The following MYO18B variants were observed in gnomAD, a reference collection of about 807,000 sequenced individuals.
MYO18B encodes the protein unconventional myosin-XVIIIb.
Under a neutral mutation model 273.0 loss-of-function variants are expected in MYO18B, and 204 were observed. That is an observed-to-expected ratio of 0.75 (90% CI 0.67 to 0.84). The LOEUF is 0.84. MYO18B is among the 40% of genes least tolerant of loss of function. The pLI is 0.00. For synonymous variants in MYO18B, 1,330 were observed against 1,305.7 expected, an observed-to-expected ratio of 1.02 and a Z score of -0.40; for missense variants, 3,212 against 3,287.6, an observed-to-expected ratio of 0.98 and a Z score of 0.56.
intron 39 of MYO18B, among the ~76,000 whole-genome samples, chr22:25,991,173 C>T (rs988816329): frequency 6.6e-6 from 1 of 152,198 alleles, no homozygotes; most frequent in African/African-American, 2.4e-5. Flanking sequence ...GAGGCAGATC[C>T]CAGCCTCTCC....
In MYO18B at chr22:25,898,233, A is replaced by G. The variant is rs2091853312; in HGVS notation, c.4669-74A>G. On this transcript the variant is annotated intron_variant, in intron 28 of 43. Transcript: ENST00000335473. ...CTCATTACACACCTTGGAAATAGCA[A>G]CTCCTTGAAATACAAAGTAAAAAGC... The G allele has an allele frequency of 2.1e-5, 32 of 1,515,928 alleles. No homozygotes were observed. The East Asian group carries it at 3.6e-4, about 17-fold the overall frequency. 93.9% of individuals were successfully genotyped at this position (1,515,928 alleles called of 1,614,324 possible). A position where few individuals can be genotyped will look rare whatever the true frequency, so the allele number is the denominator to read the frequency against.
At chr22:26,017,400 C>T (rs1171894144) in intron 42 of MYO18B, among the ~76,000 whole-genome samples, 19 of 151,642 alleles carry the variant, frequency 1.3e-4, no homozygotes. Context: ...CCTCCTCTCC[C>T]TTCTCTTTTC....
At chr22:25,743,886 C>A (rs2085700087) in intron 1 of MYO18B, among the ~76,000 whole-genome samples, 1 of 152,188 alleles carries the variant, frequency 6.6e-6, no homozygotes, top group African/African-American at 2.4e-5. Flanking sequence ...TCGTTGACGA[C>A]CTACCCATCA....
At position 25,876,309 on chromosome 22, in the gene MYO18B, A is replaced by G. The variant is rs546098279; in HGVS notation, c.4201A>G (p.Thr1401Ala). ...LQPLLSATIGTEQLRAKEEEL... is the reference protein window; with the variant it reads ...LQPLLSATIGAEQLRAKEEEL... ...GCCTCTACTTAGTGCCACCATTGGA[A>G]CTGAGCAGCTCCGAGCCAAGGAGGT... is the stretch of plus-strand genomic sequence containing the variant. Residue 1401 changes from threonine to alanine, a missense_variant, in exon 24 of 44, where the codon ACT becomes GCT. Thr to Ala is a moderately conservative substitution (Grantham distance 58). Coordinates refer to ENST00000335473, the MANE Select transcript of MYO18B (RefSeq NM_032608.7). 15 of 1,613,228 alleles carry G rather than the reference A, an allele frequency of 9.3e-6. No individual in the cohort carries two copies. The South Asian group carries it at 1.7e-4, about 18-fold the overall frequency.
At position 26,027,936 on chromosome 22, in the gene MYO18B, A is replaced by T. The variant is rs1449554449; in HGVS notation, c.*12+246A>T. On this transcript the variant is annotated intron_variant, in intron 43 of 43. Transcript: ENST00000335473. The surrounding 1 kb of genome is among the most constrained non-coding windows in gnomAD (Gnocchi z 4.1). Reference sequence around the variant, plus strand: ...TCAGAAAGTAAGAGGTTCCTGTGGGATACCGCTAAAGAAGGTGCCAGATGT... The same window carrying T: ...TCAGAAAGTAAGAGGTTCCTGTGGGTTACCGCTAAAGAAGGTGCCAGATGT... 6.6e-6 allele frequency among the ~76,000 whole-genome samples: 1 copy of T among 152,168 alleles called. No individual in the cohort carries two copies. Among genetic ancestry groups the T allele is most frequent in the East Asian group, 1.9e-4 (1 of 5,186 alleles).
At chr22:26,002,019 TTTCCCTGTACAGAAACATA>T (rs1471961378) in intron 40 of MYO18B, among the ~76,000 whole-genome samples, 2 of 152,198 alleles carry the variant, frequency 1.3e-5, no homozygotes, top group African/African-American at 4.8e-5. Context: ...AATAAAACTT[TTTCCCTGTACAGAAACATA>T]TTCCCTTGTT....
In MYO18B at chr22:25,921,118, A is replaced by G. The variant is rs561108397; in HGVS notation, c.5365-139A>G. 3.7e-4 allele frequency: 298 copies of G among 804,566 alleles called. 6 individuals are homozygous for G. The South Asian group carries it at 4.9e-3, about 13-fold the overall frequency. The allele number at this position is 804,566 out of a possible 1,614,324, so 49.8% of individuals were successfully genotyped here. A position where few individuals can be genotyped will look rare whatever the true frequency, so the allele number is the denominator to read the frequency against. Reference sequence around the variant, plus strand: ...CTCAGTTGAGGAAACTGAGGCTCGGAGAGGAGAATGGTCTTGTCCAAGGTC... The same window carrying G: ...CTCAGTTGAGGAAACTGAGGCTCGGGGAGGAGAATGGTCTTGTCCAAGGTC... On this transcript the variant is annotated intron_variant, in intron 33 of 43. Transcript: ENST00000335473.
chr22:25,994,302 A>G (rs1203450213), intron 40 of MYO18B, among the ~76,000 whole-genome samples: 1 of 152,134 alleles, frequency 6.6e-6, no homozygotes, highest in Non-Finnish European at 1.5e-5. Flanking sequence ...CTCCATCTCT[A>G]CAAAAACTCC....
At chr22:25,873,844 C>T (rs866048376) in intron 22 of MYO18B, among the ~76,000 whole-genome samples, 34 of 152,200 alleles carry the variant, frequency 2.2e-4, no homozygotes, top group Non-Finnish European at 1.0e-4. Flanking sequence ...CCCAGCCTTT[C>T]CTGGGGCCTG....
chr22:25,829,624 A>C (rs62224708), intron 15 of MYO18B, among the ~76,000 whole-genome samples: 30,460 of 151,828 alleles, frequency 0.2, 3,362 homozygotes, highest in Non-Finnish European at 0.25. Context: ...GGATCACCTG[A>C]GGTCAGGAGT....
At chr22:25,885,355 T>C (rs1208628507) in intron 25 of MYO18B, among the ~76,000 whole-genome samples, 2 of 152,034 alleles carry the variant, frequency 1.3e-5, no homozygotes, top group Admixed American at 6.5e-5. Context: ...CCAAACAGAC[T>C]GTGATTGAGG....
Position 25,895,190 on chromosome 22 carries a change from G to C in MYO18B, c.4578G>C (p.Gln1526His), listed in dbSNP as rs776993487. The C allele has an allele frequency of 1.9e-6, 3 of 1,611,942 alleles. No individual in the cohort carries two copies. The highest frequency in any genetic ancestry group is 2.7e-5 in the African/African-American group (2 of 74,924). ...GGCAGATGCGCTTCGACTGTGCTCA[G>C]ATGGAGAACGAGTTCCTCAGAAAGC... ...DEWQMRFDCA[Q>H]MENEFLRKRL... Residue 1526 changes from glutamine (Q) to histidine (H), a missense_variant, in exon 28 of 44, where the codon CAG becomes CAC. Gln to His is a conservative substitution (Grantham distance 24). Transcript: ENST00000335473.
intron 4 of MYO18B, among the ~76,000 whole-genome samples, chr22:25,769,637 G>T (rs550885636): frequency 1.3e-5 from 2 of 152,300 alleles, no homozygotes; most frequent in Admixed American, 1.3e-4. Flanking sequence ...CATTGCACCT[G>T]CCCTGGGGTG....
At chr22:25,955,092 G>T in intron 38 of MYO18B, 87 bp from the exon 39 acceptor site, 1 of 1,351,422 alleles carries the variant, frequency 7.4e-7, no homozygotes, top group South Asian at 1.6e-5. Context: ...CAGGAAACTC[G>T]GCAAAGGATT....
rs375819351 is a variant in MYO18B, at chr22:25,898,430, C to A, written c.4792C>A (p.Arg1598=). The part of the protein sequence containing the change: ...TCVLLENQQS[R]NHELEKKQKK... ...CGTCCTGCTAGAGAACCAACAAAGT[C>A]GAAACCATGAGCTGGAGAAGAAGCA... Residue 1598 remains arginine, a synonymous_variant, in exon 29 of 44, where the codon CGA becomes AGA. Coordinates refer to ENST00000335473, the MANE Select transcript of MYO18B (RefSeq NM_032608.7). The A allele has an allele frequency of 1.2e-6, 2 of 1,613,900 alleles. No individual in the cohort carries two copies. Among genetic ancestry groups the A allele is most frequent in the East Asian group, 4.5e-5 (2 of 44,878 alleles).
intron 34 of MYO18B, among the ~76,000 whole-genome samples, chr22:25,922,465 G>A (rs915240331): frequency 2.6e-5 from 4 of 152,166 alleles, no homozygotes. Flanking sequence ...AGGAACTCAG[G>A]ATTTGCTACC....
At chr22:26,002,327 G>A (rs1438658475) in intron 40 of MYO18B, among the ~76,000 whole-genome samples, 1 of 152,180 alleles carries the variant, frequency 6.6e-6, no homozygotes, top group African/African-American at 2.4e-5. Context: ...ACCAAGCATT[G>A]TCTGAGAACT....
intron 39 of MYO18B, among the ~76,000 whole-genome samples, chr22:25,966,897 GA>G (rs1274231641): frequency 6.6e-6 from 1 of 152,170 alleles, no homozygotes; most frequent in Non-Finnish European, 1.5e-5. Context: ...ACCATCTAAC[GA>G]AAGAGTTTCT....
chr22:25,823,341 G>T (rs1186691869), intron 12 of MYO18B, among the ~76,000 whole-genome samples, 164 bp from the exon 13 acceptor site: 1 of 152,192 alleles, frequency 6.6e-6, no homozygotes, highest in Non-Finnish European at 1.5e-5. Context: ...CTCCTCCAGG[G>T]CCATTGCCTA....
Sources: gnomAD v4.1 joint callset for allele counts (sites outside exome capture counted in the v4.1 genomes callset) on GRCh38, gnomAD v4.1.1 for gene constraint, Gnocchi (gnomAD v3.1) non-coding constraint, MANE v1.5 for transcripts, NCBI Gene and HGNC (gene_info 2026-07-23, HGNC 2026-07-21) for gene names.